Variants in SLC25A26 observed in about 807,000 individuals in gnomAD.
SLC25A26 encodes solute carrier family 25 member 26, also known as mitochondrial S-adenosylmethionine carrier protein.
SLC25A26 carries 36 observed loss-of-function variants against 37.8 expected under a neutral mutation model. That is an observed-to-expected ratio of 0.95 (90% CI 0.73 to 1.26). The LOEUF is 1.26. Among genes scored for constraint, SLC25A26 ranks in the 50% most tolerant of loss-of-function variants. The pLI is 0.00. For synonymous variants in SLC25A26, 129 were observed against 122.5 expected (o/e 1.05, Z -0.35); for missense variants, 390 against 331.1 (o/e 1.18, Z -1.38).
chr3:66,308,832 T>A (rs1423629505), intron 5 of SLC25A26, among the ~76,000 whole-genome samples: 1 of 152,184 alleles, frequency 6.6e-6, no homozygotes, highest in Non-Finnish European at 1.5e-5. Flanking sequence ...TGTGATGGAT[T>A]ATGTTTATTG....
intron 5 of SLC25A26, among the ~76,000 whole-genome samples, chr3:66,314,998 T>C (rs1333041157): frequency 6.6e-6 from 1 of 151,924 alleles, no homozygotes; most frequent in Non-Finnish European, 1.5e-5. Context: ...ATTGTGTCTA[T>C]TTGATTCTTT....
intron 1 of SLC25A26, among the ~76,000 whole-genome samples, chr3:66,160,210 G>A (rs1559555182): frequency 6.6e-6 from 1 of 151,986 alleles, no homozygotes; most frequent in Admixed American, 6.6e-5. Flanking sequence ...GGCTGGTCTC[G>A]AGCACCTGAC....
intron 5 of SLC25A26, among the ~76,000 whole-genome samples, chr3:66,295,496 G>C (rs545730879): frequency 2.5e-4 from 38 of 151,346 alleles, no homozygotes; most frequent in African/African-American, 9.2e-4. Flanking sequence ...CCGCCTCCCG[G>C]GTTCACGCCA....
At chr3:66,223,987 C>T (rs546603946) in intron 1 of SLC25A26, among the ~76,000 whole-genome samples, 5 of 152,222 alleles carry the variant, frequency 3.3e-5, no homozygotes, top group Non-Finnish European at 7.4e-5. Flanking sequence ...AAGAATTAGA[C>T]AAACAATGGG....
chr3:66,327,325 C>G (rs1464562604), intron 5 of SLC25A26, among the ~76,000 whole-genome samples: 1 of 152,098 alleles, frequency 6.6e-6, no homozygotes, highest in Non-Finnish European at 1.5e-5. Flanking sequence ...TCAAAGTTTT[C>G]TTAGTAACCT....
Position 66,306,369 on chromosome 3 carries a change from G to A in SLC25A26, c.454-39995G>A, listed in dbSNP as rs531337523. On this transcript the variant is annotated intron_variant, in intron 5 of 9. Coordinates refer to ENST00000354883, the MANE Select transcript of SLC25A26 (RefSeq NM_001379210.1). ...GATTTTCATTTCTCTAATCAGTGAT[G>A]TTGAGCTTTTTTTTCTTATGTTTGT... Among the ~76,000 whole-genome samples, 383 of 119,902 alleles carry A rather than the reference G, an allele frequency of 3.2e-3. 2 individuals are homozygous for A. Among genetic ancestry groups the A allele is most frequent in the African/African-American group, 0.018 (376 of 21,358 alleles). 78.7% of individuals were successfully genotyped at this position (119,902 alleles called of 152,430 possible).
intron 5 of SLC25A26, among the ~76,000 whole-genome samples, chr3:66,338,674 T>C (rs189084538): frequency 7.6e-4 from 116 of 152,100 alleles, no homozygotes; most frequent in Non-Finnish European, 1.4e-3. Flanking sequence ...GACAGAAAGG[T>C]TGTATCATTA....
At chr3:66,284,273 C>G (rs2074437759) in intron 5 of SLC25A26, among the ~76,000 whole-genome samples, 1 of 152,152 alleles carries the variant, frequency 6.6e-6, no homozygotes, top group South Asian at 2.1e-4. Context: ...CACTTGAGCC[C>G]AGGAAGTGGA....
chr3:66,205,066 G>T (rs900185070), intron 1 of SLC25A26, among the ~76,000 whole-genome samples: 1 of 152,182 alleles, frequency 6.6e-6, no homozygotes, highest in Non-Finnish European at 1.5e-5. Flanking sequence ...GGGTTTTCCT[G>T]ATACTGAAAG....
chr3:66,354,997 A>C (rs2076543309), intron 6 of SLC25A26, among the ~76,000 whole-genome samples: 1 of 152,182 alleles, frequency 6.6e-6, no homozygotes, highest in South Asian at 2.1e-4. Context: ...GTATGTCTTC[A>C]TCAGCGATGT....
intron 5 of SLC25A26, among the ~76,000 whole-genome samples, chr3:66,307,824 A>G (rs1393303079): frequency 1.3e-5 from 2 of 152,046 alleles, no homozygotes; most frequent in Middle Eastern, 3.2e-3. Context: ...GTGTGGTGTT[A>G]TTTCTGAGGC....
At chr3:66,298,039 A>C (rs2074961205) in intron 5 of SLC25A26, among the ~76,000 whole-genome samples, 1 of 152,242 alleles carries the variant, frequency 6.6e-6, no homozygotes, top group Admixed American at 6.5e-5. Flanking sequence ...TAGCAGCTGC[A>C]TTCCCTAGGA....
chr3:66,215,505 A>G (rs982838678), intron 1 of SLC25A26, among the ~76,000 whole-genome samples: 3 of 152,318 alleles, frequency 2.0e-5, no homozygotes, highest in Admixed American at 6.5e-5. Flanking sequence ...AATTATATCA[A>G]TGAAAAAATA....
chr3:66,344,720 T>C (rs773714086), intron 5 of SLC25A26, among the ~76,000 whole-genome samples: 62 of 152,330 alleles, frequency 4.1e-4, no homozygotes, highest in African/African-American at 1.2e-3. Context: ...AGCTGCTGGG[T>C]GGGGTCCACT....
chr3:66,215,928 T>A (rs2071354042), intron 1 of SLC25A26, among the ~76,000 whole-genome samples: 1 of 152,176 alleles, frequency 6.6e-6, no homozygotes. Flanking sequence ...AAGTCCAAGG[T>A]CAAGGTATTG....
At chr3:66,235,428 G>A (rs782227519) in intron 1 of SLC25A26, among the ~76,000 whole-genome samples, 1 of 149,182 alleles carries the variant, frequency 6.7e-6, no homozygotes, top group African/African-American at 2.5e-5. Flanking sequence ...ACTAGTTTGG[G>A]CCAGATTTTA....
rs572423661 is a variant in SLC25A26 at position 66,136,728 on chromosome 3, T to C, written c.-354+2744T>C. Among the ~76,000 whole-genome samples, 9 of 152,350 alleles carry C rather than the reference T, an allele frequency of 5.9e-5. No homozygotes were observed. The East Asian group carries it at 1.7e-3, about 29-fold the overall frequency. ...ATATTTCTCTTGGCTTTGCATCAAG[T>C]AGTACTGTGTTTTCAAAGCCTCCAT... On this transcript the variant is annotated intron_variant, in intron 1 of 10. Coordinates refer to the SLC25A26 transcript ENST00000676754.
intron 6 of SLC25A26, among the ~76,000 whole-genome samples, chr3:66,347,935 T>C (rs2076364014): frequency 1.3e-5 from 2 of 152,222 alleles, no homozygotes; most frequent in South Asian, 4.1e-4. Context: ...GGAGAATACA[T>C]GGACACAGAA....
At position 66,197,962 on chromosome 3, in the gene SLC25A26, G is replaced by A. The variant is rs967385895; in HGVS notation, c.-353-22780G>A. On this transcript the variant is annotated intron_variant, in intron 1 of 10. Transcript: ENST00000676754. ...ATGGTCATAGACAGGATCAGGGTCAGAGAGCATCAGGATAAGCATAAGGAT... is the reference window on the plus strand; with the variant it reads ...ATGGTCATAGACAGGATCAGGGTCAAAGAGCATCAGGATAAGCATAAGGAT... 2.0e-5 allele frequency among the ~76,000 whole-genome samples: 3 copies of A among 152,126 alleles called. No individual in the cohort carries two copies. The South Asian group carries it at 6.2e-4, about 31-fold the overall frequency.
Sources: gnomAD v4.1 joint callset for allele counts (sites outside exome capture counted in the v4.1 genomes callset) on GRCh38, gnomAD v4.1.1 for gene constraint, MANE v1.5 for transcripts, NCBI Gene and HGNC (gene_info 2026-07-23, HGNC 2026-07-21) for gene names.